CD300C: variants seen among roughly 807,000 people sequenced by gnomAD.
The protein encoded by CD300C is CD300c molecule, also known as CMRF35-like molecule 6.
Under a neutral mutation model 18.4 loss-of-function variants are expected in CD300C, and 11 were observed. The ratio of observed to expected loss-of-function variants is 0.60; its 90% confidence interval spans 0.38 to 0.99. The LOEUF (loss-of-function observed/expected upper bound fraction) is 0.99. CD300C is among the 50% of genes least tolerant of loss of function. The pLI, the probability that CD300C is intolerant of heterozygous loss-of-function variation, is 0.01. For synonymous variants in CD300C, 116 were observed against 116.3 expected, an observed-to-expected ratio of 1.00 and a Z score of 0.02; for missense variants, 277 against 287.4, an observed-to-expected ratio of 0.96 and a Z score of 0.26.
intron 2 of CD300C, among the ~76,000 whole-genome samples, chr17:74,543,260 C>T (rs767701977): frequency 1.2e-4 from 18 of 152,214 alleles, no homozygotes; most frequent in Non-Finnish European, 1.9e-4. Context: ...AGGTTTCACC[C>T]CAGCCAGGGA....
In CD300C at chr17:74,541,434, C is replaced by T; in HGVS notation, c.*155G>A. On this transcript the variant is annotated 3_prime_UTR_variant, in exon 4 of 4. Transcript: ENST00000330793. ...CCATGTCCGTCAGGTTCACATGTGA[C>T]ACATGAGGATCGGGCACAGGGAAAA... 1 of 668,530 alleles carries T rather than the reference C, an allele frequency of 1.5e-6. No homozygotes were observed. Among genetic ancestry groups the T allele is most frequent in the Non-Finnish European group, 2.7e-6 (1 of 368,554 alleles). The allele number at this position is 668,530 out of a possible 1,614,324, so 41.4% of individuals were successfully genotyped here.
chr17:74,545,680 A>T, intron 1 of CD300C, 42 bp downstream of exon 1: 2 of 1,505,636 alleles, frequency 1.3e-6, no homozygotes, highest in Non-Finnish European at 1.8e-6. Context: ...GCCCTCTCCC[A>T]CTCAGGACAG....
downstream of CD300C, chr17:74,541,040 C>A (rs1532800): frequency 0.35 from 54,211 of 153,202 alleles, 11,500 homozygotes; most frequent in Middle Eastern, 0.57. Flanking sequence ...TCAGCAAAGG[C>A]CTGTGGAAAT....
downstream of CD300C, among the ~76,000 whole-genome samples, chr17:74,536,542 A>AG (rs1908382993): frequency 6.6e-6 from 1 of 151,580 alleles, no homozygotes; most frequent in Admixed American, 6.6e-5. Flanking sequence ...CAAAAAAAAA[A>AG]AAAAAAAAAG....
chr17:74,542,381 A>G (rs1185601036), intron 3 of CD300C, among the ~76,000 whole-genome samples: 1 of 151,978 alleles, frequency 6.6e-6, no homozygotes, highest in African/African-American at 2.4e-5. Flanking sequence ...CTCGCAGGAC[A>G]TTTGCCTCAC....
intron 1 of CD300C, among the ~76,000 whole-genome samples, chr17:74,545,244 CTGTG>C (rs1301556013): frequency 6.0e-5 from 9 of 149,266 alleles, no homozygotes; most frequent in South Asian, 2.1e-4. Flanking sequence ...GTGTGACTGT[CTGTG>C]TGAGTGTGAC....
At chr17:74,540,017 C>T (rs2143132577), downstream of CD300C, among the ~76,000 whole-genome samples, 1 of 152,316 alleles carries the variant, frequency 6.6e-6, no homozygotes, top group Non-Finnish European at 1.5e-5. Context: ...CTTCAGAAAA[C>T]TTAATTGTCT....
At chr17:74,536,108 A>G (rs1334840137), downstream of CD300C, among the ~76,000 whole-genome samples, 1 of 152,150 alleles carries the variant, frequency 6.6e-6, no homozygotes, top group Non-Finnish European at 1.5e-5. Context: ...AGAAGAAGAT[A>G]TAGGATAATT....
At chr17:74,542,692 C>T (rs1908594345) in intron 3 of CD300C, among the ~76,000 whole-genome samples, 169 bp downstream of exon 3, 1 of 152,270 alleles carries the variant, frequency 6.6e-6, no homozygotes, top group African/African-American at 2.4e-5. Flanking sequence ...TGGTTCCCTG[C>T]TGTGACCCAA....
At chr17:74,536,426 G>C (rs567876988), downstream of CD300C, among the ~76,000 whole-genome samples, 3 of 151,672 alleles carry the variant, frequency 2.0e-5, no homozygotes, top group South Asian at 6.3e-4. Context: ...CCAGCTACTC[G>C]GGAGGCTGAG....
In CD300C at chr17:74,544,904, C is replaced by G. The variant is rs762143942; in HGVS notation, c.105G>C (p.Val35=). Residue 35 remains valine, a synonymous_variant, in exon 2 of 4, where the codon GTG becomes GTC. Coordinates refer to ENST00000330793, the MANE Select transcript of CD300C (RefSeq NM_006678.5). The stretch of plus-strand genomic sequence containing the variant: ...GACACTGCACACTCAGGGATCCCCC[C>G]ACGGGGCCCGCCACGGTCATGGGGT... The part of the protein sequence containing the change: ...LSHPMTVAGP[V]GGSLSVQCRY... 1.9e-6 allele frequency: 3 copies of G among 1,613,390 alleles called. No homozygotes were observed. Among genetic ancestry groups the G allele is most frequent in the African/African-American group, 2.7e-5 (2 of 74,938 alleles).
At chr17:74,538,382 G>A (rs1908442271), downstream of CD300C, among the ~76,000 whole-genome samples, 1 of 152,194 alleles carries the variant, frequency 6.6e-6, no homozygotes, top group African/African-American at 2.4e-5. Context: ...GGAGACTGCT[G>A]AGGAGGGACC....
At chr17:74,541,896 C>T (rs1256474686) in intron 3 of CD300C, among the ~76,000 whole-genome samples, 160 bp from the exon 4 acceptor site, 2 of 152,170 alleles carry the variant, frequency 1.3e-5, no homozygotes, top group African/African-American at 4.8e-5. Context: ...GGCCCCTAAC[C>T]CTCAGCCTCG....
downstream of CD300C, among the ~76,000 whole-genome samples, chr17:74,538,223 C>T (rs530523653): frequency 9.2e-5 from 14 of 152,264 alleles, no homozygotes; most frequent in South Asian, 6.2e-4. Context: ...TTGCTTGGCG[C>T]GGTATTGATG....
At chr17:74,545,343 T>A (rs745582812) in intron 1 of CD300C, among the ~76,000 whole-genome samples, 2 of 151,548 alleles carry the variant, frequency 1.3e-5, no homozygotes, top group Non-Finnish European at 2.9e-5. Context: ...CATGTGTGTG[T>A]GAGACTGTGT....
At position 74,542,856 on chromosome 17, in the gene CD300C, C is replaced by T. The variant is rs747342516; in HGVS notation, c.527+5G>A. ...GTGGCCCAGTCCTATGCGCAGGCAC[C>T]TTACCCAGGGTGTGGGCTGGGTTCG... On this transcript the variant is annotated splice_donor_5th_base_variant and intron_variant, in intron 3 of 3. Transcript: ENST00000330793. 8 of 1,604,452 alleles carry T rather than the reference C, an allele frequency of 5.0e-6. No homozygotes were observed. The East Asian group carries it at 1.6e-4, about 31-fold the overall frequency.
At position 74,543,010 on chromosome 17, in the gene CD300C, C is replaced by T. The variant is rs541094054; in HGVS notation, c.401-23G>A. 7 of 1,612,714 alleles carry T rather than the reference C, an allele frequency of 4.3e-6. No homozygotes were observed. The East Asian group carries it at 1.3e-4, about 31-fold the overall frequency. ...CGGCTGTGGGTGAAACACAGGTCAA[C>T]CTTGATGACATCACATGGGTCTCCC... On this transcript the variant is annotated intron_variant, in intron 2 of 3. Coordinates refer to ENST00000330793, the MANE Select transcript of CD300C (RefSeq NM_006678.5).
downstream of CD300C, among the ~76,000 whole-genome samples, chr17:74,537,175 GAGAA>G (rs1908406632): frequency 6.6e-6 from 1 of 151,948 alleles, no homozygotes; most frequent in Non-Finnish European, 1.5e-5. Context: ...AGAAAGGATA[GAGAA>G]AGAGAAGGAG....
intron 1 of CD300C, 39 bp from the exon 2 acceptor site, chr17:74,544,986 G>A (rs1378099213): frequency 1.3e-6 from 2 of 1,558,542 alleles, no homozygotes; most frequent in South Asian, 2.4e-5. Flanking sequence ...CCTTACCAGA[G>A]GGGCCTGGTC....
Sources: allele counts gnomAD v4.1 joint callset (sites outside exome capture counted in the v4.1 genomes callset), GRCh38; gene constraint gnomAD v4.1.1; transcripts MANE v1.5; gene names NCBI Gene and HGNC (gene_info 2026-07-23, HGNC 2026-07-21).